RALGAPA2: variants seen among roughly 807,000 people sequenced by gnomAD.
RALGAPA2 encodes Ral GTPase activating protein catalytic subunit alpha 2, also known as ral GTPase-activating protein subunit alpha-2.
Under a neutral mutation model 230.4 loss-of-function variants are expected in RALGAPA2, and 139 were observed. That is an observed-to-expected ratio of 0.60 (90% CI 0.53 to 0.69). The LOEUF (loss-of-function observed/expected upper bound fraction) is 0.69, where lower values mean the gene tolerates loss of function less well. Among genes scored for constraint, RALGAPA2 ranks in the 30% least tolerant of loss-of-function variants. The probability of loss-of-function intolerance (pLI) is 0.00; values close to 1 mark genes in which losing one functional copy is unlikely to be tolerated. For synonymous variants in RALGAPA2, 847 were observed against 837.8 expected, an observed-to-expected ratio of 1.01 and a Z score of -0.19; for missense variants, 2,163 against 2,276.0, an observed-to-expected ratio of 0.95 and a Z score of 1.01.
rs150212208 is a variant in RALGAPA2 at position 20,672,330 on chromosome 20, G to A, written c.270+3906C>T. Among the ~76,000 whole-genome samples, 279 of 152,248 alleles carry A rather than the reference G, an allele frequency of 1.8e-3. 1 individual carries two copies. Among genetic ancestry groups the A allele is most frequent in the African/African-American group, 6.5e-3 (269 of 41,532 alleles). On this transcript the variant is annotated intron_variant, in intron 3 of 39. Transcript: ENST00000202677. ...AAGCCACTGTGAATGAGAGGCAGCT[G>A]AAATAACCAGCATAATTAGACAAAC...
At chr20:20,491,421 AACTGGTCACC>A (rs1169863461) in intron 36 of RALGAPA2, among the ~76,000 whole-genome samples, 1 of 152,184 alleles carries the variant, frequency 6.6e-6, no homozygotes, top group African/African-American at 2.4e-5. Flanking sequence ...CCCTCTGGTC[AACTGGTCACC>A]AGCCAGTCAC....
chr20:20,479,643 A>G (rs1029673124), intron 36 of RALGAPA2, among the ~76,000 whole-genome samples: 1 of 152,220 alleles, frequency 6.6e-6, no homozygotes, highest in African/African-American at 2.4e-5. Flanking sequence ...TCTGTTCTAG[A>G]ATACCTACAG....
chr20:20,466,723 G>C (rs1279326052), intron 37 of RALGAPA2, among the ~76,000 whole-genome samples: 1 of 152,124 alleles, frequency 6.6e-6, no homozygotes. Context: ...GCTGGCTGTT[G>C]CATCACTCTC....
At chr20:20,711,639 A>G (rs1168609844) in intron 1 of RALGAPA2, among the ~76,000 whole-genome samples, 1 of 152,108 alleles carries the variant, frequency 6.6e-6, no homozygotes, top group Non-Finnish European at 1.5e-5. Context: ...CTGGCAGGCC[A>G]TAAACCAGAA....
intron 20 of RALGAPA2, among the ~76,000 whole-genome samples, chr20:20,579,848 C>T (rs1480315177): frequency 6.6e-6 from 1 of 152,048 alleles, no homozygotes; most frequent in Non-Finnish European, 1.5e-5. Flanking sequence ...CCTGACAAGC[C>T]ACATATATCA....
rs759968933 is a variant in RALGAPA2, at chr20:20,513,005, G to A, written c.4364C>T (p.Ser1455Phe). 8 of 1,613,656 alleles carry A rather than the reference G, an allele frequency of 5.0e-6. No homozygotes were observed. The East Asian group carries it at 8.9e-5, about 18-fold the overall frequency. ...EGPVGGSPVG[S>F]LSDVRVIVRD... is the part of the protein sequence containing the mutation. ...CACAATTACTCTCACATCAGAGAGA[G>A]AGCCCACTGGTGATCCCCCTACCGG... Residue 1455 changes from serine to phenylalanine, a missense_variant, in exon 32 of 40, where the codon TCT becomes TTT. Physicochemically the swap from Ser to Phe is radical, Grantham distance 155. Coordinates refer to ENST00000202677, the MANE Select transcript of RALGAPA2 (RefSeq NM_020343.4).
intron 1 of RALGAPA2, among the ~76,000 whole-genome samples, chr20:20,696,776 C>T (rs554036564): frequency 1.3e-5 from 2 of 152,304 alleles, no homozygotes; most frequent in Non-Finnish European, 2.9e-5. Flanking sequence ...AGGTCTCAGT[C>T]CAAACCTCCC....
intron 36 of RALGAPA2, among the ~76,000 whole-genome samples, chr20:20,476,630 T>G (rs2061654944): frequency 6.6e-6 from 1 of 150,602 alleles, no homozygotes; most frequent in Non-Finnish European, 1.5e-5. Flanking sequence ...GCCACGACCT[T>G]AGGATAGGCA....
At chr20:20,458,475 T>C (rs2061182428) in intron 37 of RALGAPA2, among the ~76,000 whole-genome samples, 1 of 139,884 alleles carries the variant, frequency 7.1e-6, no homozygotes, top group Non-Finnish European at 1.5e-5. Flanking sequence ...ATATAATATA[T>C]AATATATATG....
chr20:20,574,790 C>T (rs540411264), intron 20 of RALGAPA2, among the ~76,000 whole-genome samples: 9 of 152,146 alleles, frequency 5.9e-5, no homozygotes, highest in Admixed American at 1.3e-4. Flanking sequence ...TGACCAAGCA[C>T]ATTCCTCTAA....
At chr20:20,447,698 T>G (rs542752516) in intron 37 of RALGAPA2, among the ~76,000 whole-genome samples, 26 of 151,854 alleles carry the variant, frequency 1.7e-4, no homozygotes, top group African/African-American at 5.3e-4. Context: ...CAACCCAACA[T>G]AAAATAAGGA....
chr20:20,515,573 G>A (rs1200671634), intron 31 of RALGAPA2, among the ~76,000 whole-genome samples: 1 of 152,210 alleles, frequency 6.6e-6, no homozygotes, highest in African/African-American at 2.4e-5. Context: ...CCAGGTCATG[G>A]GAGAAGGCCT....
At chr20:20,651,473 T>G (rs1373254285) in intron 4 of RALGAPA2, among the ~76,000 whole-genome samples, 1 of 152,196 alleles carries the variant, frequency 6.6e-6, no homozygotes, top group African/African-American at 2.4e-5. Flanking sequence ...ATACTGCTAT[T>G]AGATGGCTCA....
At chr20:20,443,847 A>G (rs1289116844) in intron 37 of RALGAPA2, among the ~76,000 whole-genome samples, 2 of 152,362 alleles carry the variant, frequency 1.3e-5, no homozygotes, top group Non-Finnish European at 2.9e-5. Context: ...CAGATCTGGA[A>G]GAAACCATGG....
At position 20,437,280 on chromosome 20, in the gene RALGAPA2, T is replaced by C. The variant is rs1473925545; in HGVS notation, c.5496-25132A>G. ...ACACATGACTCTGCACCCTCTGACA[T>C]GCCACGTCTCATCTGGCCACAAATC... On this transcript the variant is annotated intron_variant, in intron 37 of 39. Coordinates refer to ENST00000202677, the MANE Select transcript of RALGAPA2 (RefSeq NM_020343.4). This position sits in a 1 kb window ranked among gnomAD's most constrained non-coding sequence, Gnocchi z 4.1. 6.6e-6 allele frequency among the ~76,000 whole-genome samples: 1 copy of C among 152,148 alleles called. No individual in the cohort carries two copies. Among genetic ancestry groups the C allele is most frequent in the Non-Finnish European group, 1.5e-5 (1 of 68,012 alleles).
chr20:20,582,571 T>C (rs563391834), intron 20 of RALGAPA2, among the ~76,000 whole-genome samples: 1 of 152,152 alleles, frequency 6.6e-6, no homozygotes, highest in South Asian at 2.1e-4. Flanking sequence ...AAAAACAAAT[T>C]TGGACTAGGG....
intron 9 of RALGAPA2, among the ~76,000 whole-genome samples, chr20:20,631,985 G>A (rs978140234): frequency 1.3e-5 from 2 of 151,762 alleles, no homozygotes; most frequent in African/African-American, 2.4e-5. Context: ...TCTGTTTTGT[G>A]GAGGACAATC....
chr20:20,524,043 G>A (rs1367556775), intron 30 of RALGAPA2, among the ~76,000 whole-genome samples: 1 of 151,978 alleles, frequency 6.6e-6, no homozygotes, highest in Non-Finnish European at 1.5e-5. Context: ...TGCAAACTCT[G>A]CCTCCCAGGT....
At chr20:20,535,872 G>A (rs1451281813) in intron 25 of RALGAPA2, 69 bp from the exon 26 acceptor site, 13 of 1,494,908 alleles carry the variant, frequency 8.7e-6, no homozygotes, top group Non-Finnish European at 1.2e-5. Flanking sequence ...TTCTGACCAT[G>A]TTCCAGGCAG....
Sources: gnomAD v4.1 joint callset for allele counts (sites outside exome capture counted in the v4.1 genomes callset) on GRCh38, gnomAD v4.1.1 for gene constraint, Gnocchi (gnomAD v3.1) non-coding constraint, MANE v1.5 for transcripts, NCBI Gene and HGNC (gene_info 2026-07-23, HGNC 2026-07-21) for gene names.